LRMDA: variants seen among roughly 807,000 people sequenced by gnomAD.
LRMDA encodes leucine-rich melanocyte differentiation-associated protein.
A neutral mutation model predicts 29.8 loss-of-function variants in LRMDA; 18 were observed. The observed-to-expected ratio is 0.60, with a 90% CI of 0.42 to 0.90. The LOEUF is 0.90. Ranked by LOEUF, LRMDA falls within the 40% of genes least tolerant of loss-of-function variation. LRMDA has a pLI of 0.00. For synonymous variants in LRMDA, 125 were observed against 109.4 expected (o/e 1.14, Z -0.89); for missense variants, 273 against 273.9 (o/e 1.00, Z 0.02).
intron 3 of LRMDA, among the ~76,000 whole-genome samples, chr10:76,038,634 A>G (rs184650260): frequency 1.4e-4 from 22 of 152,358 alleles, no homozygotes; most frequent in Non-Finnish European, 2.1e-4. Flanking sequence ...ATAACAGCAC[A>G]TGCTATCTTC....
At chr10:76,209,632 A>G (rs1035058542) in intron 5 of LRMDA, among the ~76,000 whole-genome samples, 1 of 152,120 alleles carries the variant, frequency 6.6e-6, no homozygotes, top group African/African-American at 2.4e-5. Context: ...TAAGGATTTG[A>G]TCTCTTCTAA....
chr10:75,661,722 C>A (rs1841755988), intron 2 of LRMDA, among the ~76,000 whole-genome samples: 1 of 152,140 alleles, frequency 6.6e-6, no homozygotes, highest in South Asian at 2.1e-4. Context: ...GCAAAAGAAA[C>A]ACACATGATG....
intron 5 of LRMDA, among the ~76,000 whole-genome samples, chr10:76,292,745 C>T (rs76263773): frequency 6.6e-6 from 1 of 151,686 alleles, no homozygotes; most frequent in South Asian, 2.1e-4. Context: ...GTTACACAGG[C>T]CTGCTTTGAC....
chr10:76,137,625 A>G (rs1005649167), intron 5 of LRMDA, among the ~76,000 whole-genome samples: 26 of 152,160 alleles, frequency 1.7e-4, no homozygotes, highest in African/African-American at 6.3e-4. Context: ...TGCTGTAGCT[A>G]GGCCCTTCCT....
At chr10:76,517,747 G>C (rs1843075992) in intron 6 of LRMDA, among the ~76,000 whole-genome samples, 1 of 151,702 alleles carries the variant, frequency 6.6e-6, no homozygotes, top group African/African-American at 2.4e-5. Flanking sequence ...AAGGACAGAA[G>C]GAAATCACTG....
intron 6 of LRMDA, among the ~76,000 whole-genome samples, chr10:76,386,927 C>A (rs573278922): frequency 6.6e-6 from 1 of 151,856 alleles, no homozygotes; most frequent in Non-Finnish European, 1.5e-5. Flanking sequence ...ACTAGAAATG[C>A]AAGTAAACAT....
Position 75,975,932 on chromosome 10 carries a change from A to G in LRMDA, c.132-60076A>G, listed in dbSNP as rs144144695. Among the ~76,000 whole-genome samples, 94 of 152,276 alleles carry G rather than the reference A, an allele frequency of 6.2e-4. 1 individual carries two copies. In the East Asian group the frequency reaches 0.014, roughly 23 times the overall value. ...CCACCCTGGGCCAAGCCACCATTAC[A>G]TATTTCTGGGACAACAGTAGTAGCT... On this transcript the variant is annotated intron_variant, in intron 2 of 6. Transcript: ENST00000611255.
chr10:75,475,944 C>T (rs10762668), intron 2 of LRMDA, among the ~76,000 whole-genome samples: 32,100 of 152,088 alleles, frequency 0.21, 3,450 homozygotes, highest in Middle Eastern at 0.23. Flanking sequence ...CTTAAGTGGT[C>T]CAAGACCACA....
At chr10:75,438,527 T>C in intron 2 of LRMDA, 33 bp downstream of exon 2, 1 of 1,516,356 alleles carries the variant, frequency 6.6e-7, no homozygotes, top group Non-Finnish European at 9.0e-7. Flanking sequence ...AGGCCAGGCC[T>C]GGGAGGCCCA....
At chr10:76,065,266 C>T (rs924608413) in intron 5 of LRMDA, among the ~76,000 whole-genome samples, 4 of 152,170 alleles carry the variant, frequency 2.6e-5, no homozygotes, top group African/African-American at 9.7e-5. Flanking sequence ...TGTAGCCTTG[C>T]ATTTGGGTAG....
Position 76,344,335 on chromosome 10 carries a change from A to G in LRMDA, c.601+19850A>G, listed in dbSNP as rs183099588. On this transcript the variant is annotated intron_variant, in intron 6 of 6. Coordinates refer to ENST00000611255, the MANE Select transcript of LRMDA (RefSeq NM_001305581.2). Reference sequence around the variant, plus strand: ...ATTATAATCAAACATTAACAAAAATATACAATATCTCCAAGAAAAAAAACC... The same window carrying G: ...ATTATAATCAAACATTAACAAAAATGTACAATATCTCCAAGAAAAAAAACC... Among the ~76,000 whole-genome samples the G allele has an allele frequency of 4.1e-3, 618 of 152,282 alleles. 4 individuals carry two copies. Among genetic ancestry groups the G allele is most frequent in the African/African-American group, 0.013 (540 of 41,566 alleles).
At chr10:75,476,371 C>G (rs1844791390) in intron 2 of LRMDA, among the ~76,000 whole-genome samples, 1 of 152,068 alleles carries the variant, frequency 6.6e-6, no homozygotes, top group Non-Finnish European at 1.5e-5. Context: ...GCCCTCCTAC[C>G]CCAACTGTTT....
rs139458601 is a variant in LRMDA, at chr10:75,785,878, G to A, written c.132-250130G>A. Reference sequence around the variant, plus strand: ...TGTGAAAAATCTGCCACCACCTCCCGGAGAACACATATCATGGACTTAGCC... The same window carrying A: ...TGTGAAAAATCTGCCACCACCTCCCAGAGAACACATATCATGGACTTAGCC... On this transcript the variant is annotated intron_variant, in intron 2 of 6. Transcript: ENST00000611255. 2.3e-3 allele frequency among the ~76,000 whole-genome samples: 352 copies of A among 152,240 alleles called. 2 individuals are homozygous for A. Among genetic ancestry groups the A allele is most frequent in the African/African-American group, 8.0e-3 (334 of 41,562 alleles).
At chr10:76,123,212 T>C (rs931028628) in intron 5 of LRMDA, among the ~76,000 whole-genome samples, 1 of 151,916 alleles carries the variant, frequency 6.6e-6, no homozygotes, top group Non-Finnish European at 1.5e-5. Context: ...CCCTCCTTAT[T>C]AAGAAGGTTA....
At chr10:76,377,877 A>C (rs1011036440) in intron 6 of LRMDA, among the ~76,000 whole-genome samples, 1 of 152,008 alleles carries the variant, frequency 6.6e-6, no homozygotes, top group East Asian at 1.9e-4. Flanking sequence ...TTTTGGTTCC[A>C]TCTGAATTTT....
At chr10:76,253,098 G>A (rs759702678) in intron 5 of LRMDA, among the ~76,000 whole-genome samples, 1 of 152,132 alleles carries the variant, frequency 6.6e-6, no homozygotes, top group Non-Finnish European at 1.5e-5. Context: ...TTATATAAGC[G>A]ACTGCCCAGC....
chr10:75,855,191 A>T (rs1214315256), intron 2 of LRMDA, among the ~76,000 whole-genome samples: 2 of 152,154 alleles, frequency 1.3e-5, no homozygotes, highest in Non-Finnish European at 2.9e-5. Flanking sequence ...CCAACAGTGT[A>T]AAAGTGTTCC....
chr10:76,380,353 T>C (rs947500006), intron 6 of LRMDA, among the ~76,000 whole-genome samples: 2 of 152,216 alleles, frequency 1.3e-5, no homozygotes, highest in East Asian at 3.9e-4. Context: ...TTAAAAAGTC[T>C]TATGTTTGTG....
rs115150220 is a variant in LRMDA at position 76,316,266 on chromosome 10, C to T, written c.517-8135C>T. On this transcript the variant is annotated intron_variant, in intron 5 of 6. Coordinates refer to ENST00000611255, the MANE Select transcript of LRMDA (RefSeq NM_001305581.2). ...CCAGCTTCCAGGCACCACAGCATTCCCTGGTGCCCATGGTGGAAGCTACTT... is the reference window on the plus strand; with the variant it reads ...CCAGCTTCCAGGCACCACAGCATTCTCTGGTGCCCATGGTGGAAGCTACTT... 3.9e-3 allele frequency among the ~76,000 whole-genome samples: 596 copies of T among 152,310 alleles called. 3 individuals are homozygous for T. The highest frequency in any genetic ancestry group is 0.014 in the African/African-American group (575 of 41,580).
Sources: gnomAD v4.1 joint callset for allele counts (sites outside exome capture counted in the v4.1 genomes callset) on GRCh38, gnomAD v4.1.1 for gene constraint, MANE v1.5 for transcripts, NCBI Gene and HGNC (gene_info 2026-07-23, HGNC 2026-07-21) for gene names.